The following FSTL5 variants were observed in gnomAD, a reference collection of about 807,000 sequenced individuals.
FSTL5 encodes follistatin like 5, also known as follistatin-related protein 5.
Under a neutral mutation model 89.1 loss-of-function variants are expected in FSTL5, and 62 were observed. That is an observed-to-expected ratio of 0.70 (90% CI 0.57 to 0.86). The LOEUF (loss-of-function observed/expected upper bound fraction) is 0.86. Among genes scored for constraint, FSTL5 ranks in the 40% least tolerant of loss-of-function variants. FSTL5 has a pLI of 0.00. For synonymous variants in FSTL5, 383 were observed against 346.2 expected, an observed-to-expected ratio of 1.11 and a Z score of -1.18; for missense variants, 1,057 against 1,001.6, an observed-to-expected ratio of 1.06 and a Z score of -0.75.
At chr4:162,082,892 A>G (rs1289582334) in intron 2 of FSTL5, among the ~76,000 whole-genome samples, 1 of 151,504 alleles carries the variant, frequency 6.6e-6, no homozygotes, top group Non-Finnish European at 1.5e-5. Flanking sequence ...GTGGCATCCA[A>G]ACACATTCAG....
At chr4:162,009,016 G>A (rs1736687783) in intron 3 of FSTL5, among the ~76,000 whole-genome samples, 1 of 152,018 alleles carries the variant, frequency 6.6e-6, no homozygotes, top group African/African-American at 2.4e-5. Flanking sequence ...ATCTTTGATT[G>A]ACATAAGTTC....
intron 6 of FSTL5, among the ~76,000 whole-genome samples, chr4:161,714,899 G>A (rs1202464395): frequency 6.6e-6 from 1 of 151,964 alleles, no homozygotes; most frequent in Non-Finnish European, 1.5e-5. Flanking sequence ...AAGCATTTCA[G>A]TATCAATCTT....
At chr4:161,896,477 A>C (rs1213382557) in intron 4 of FSTL5, among the ~76,000 whole-genome samples, 3 of 151,962 alleles carry the variant, frequency 2.0e-5, no homozygotes, top group African/African-American at 7.2e-5. Flanking sequence ...ATACACACAC[A>C]CCCCTACATT....
chr4:161,642,309 C>G (rs1203174319), intron 7 of FSTL5, among the ~76,000 whole-genome samples: 1 of 152,128 alleles, frequency 6.6e-6, no homozygotes, highest in African/African-American at 2.4e-5. Context: ...ATTTCCAGAA[C>G]TTATCTTGCC....
chr4:161,929,683 G>GTGTGTGTGTATA lies in FSTL5; in HGVS notation c.161-9032_161-9031insTATACACACACA, dbSNP rs1553983464. On this transcript the variant is annotated intron_variant, in intron 3 of 15. Transcript: ENST00000306100. ...CACGTGTGTGTGTGTGTGTGTGTGTGTGTGTGTGTGTGTGTGTGTACATAG... is the reference window on the plus strand; with the variant it reads ...CACGTGTGTGTGTGTGTGTGTGTGTGTGTGTGTGTATATGTGTGTGTGTGTGTGTGTACATAG... Among the ~76,000 whole-genome samples, 346 of 98,254 alleles carry GTGTGTGTGTATA rather than the reference G, an allele frequency of 3.5e-3. 1 individual carries two copies. Among genetic ancestry groups the GTGTGTGTGTATA allele is most frequent in the African/African-American group, 0.01 (299 of 29,862 alleles). 64.5% of individuals were successfully genotyped at this position (98,254 alleles called of 152,430 possible).
At chr4:161,998,803 T>A (rs557632847) in intron 3 of FSTL5, among the ~76,000 whole-genome samples, 1 of 152,106 alleles carries the variant, frequency 6.6e-6, no homozygotes, top group African/African-American at 2.4e-5. Flanking sequence ...CATAGACAGA[T>A]TTGATCATCT....
intron 6 of FSTL5, among the ~76,000 whole-genome samples, chr4:161,743,034 T>G (rs1369365236): frequency 5.3e-5 from 8 of 152,192 alleles, no homozygotes; most frequent in Admixed American, 2.6e-4. Flanking sequence ...CTGTTGATAG[T>G]GTTCTTTGAT....
chr4:161,704,563 C>T (rs1738506837), intron 6 of FSTL5, among the ~76,000 whole-genome samples: 1 of 152,094 alleles, frequency 6.6e-6, no homozygotes, highest in Non-Finnish European at 1.5e-5. Context: ...AAGGGACCAC[C>T]TTCCAAGAAA....
At chr4:161,437,565 CAAAAAAAA>C (rs56229701) in intron 15 of FSTL5, among the ~76,000 whole-genome samples, 1 of 68,542 alleles carries the variant, frequency 1.5e-5, no homozygotes, top group African/African-American at 8.3e-5. Context: ...GACTCCGTCT[CAAAAAAAA>C]AAAAAAAAAC....
intron 15 of FSTL5, among the ~76,000 whole-genome samples, chr4:161,405,877 A>C (rs2110920564): frequency 6.6e-6 from 1 of 152,338 alleles, no homozygotes; most frequent in African/African-American, 2.4e-5. Context: ...ATAGGATGAT[A>C]GTTTCAAAGT....
At chr4:161,977,467 G>A (rs988476178) in intron 3 of FSTL5, among the ~76,000 whole-genome samples, 4 of 151,146 alleles carry the variant, frequency 2.6e-5, no homozygotes, top group African/African-American at 7.3e-5. Flanking sequence ...GAAAAAATTA[G>A]CCGGGCCTGG....
intron 15 of FSTL5, among the ~76,000 whole-genome samples, chr4:161,422,129 GGGTATTGTATATAT>G (rs1457034117): frequency 2.0e-5 from 3 of 151,782 alleles, no homozygotes; most frequent in South Asian, 4.2e-4. Flanking sequence ...AATATATATA[GGGTATTGTATATAT>G]GGTATTGGTT....
chr4:162,048,098 A>C (rs1219921967), intron 2 of FSTL5, among the ~76,000 whole-genome samples: 1 of 152,056 alleles, frequency 6.6e-6, no homozygotes, highest in Non-Finnish European at 1.5e-5. Flanking sequence ...AGGCTGAAGC[A>C]GGACTATCAC....
rs558380920 is a variant in FSTL5, at chr4:161,658,661, C to T, written c.728-2167G>A. On this transcript the variant is annotated intron_variant, in intron 6 of 15. Coordinates refer to ENST00000306100, the MANE Select transcript of FSTL5 (RefSeq NM_020116.5). Reference sequence around the variant, plus strand: ...TAAGTTAAAAATTATTCAATTAATTCGAAACACTAAAAGTTGAAATCTGCA... The same window carrying T: ...TAAGTTAAAAATTATTCAATTAATTTGAAACACTAAAAGTTGAAATCTGCA... Among the ~76,000 whole-genome samples, 5 of 152,096 alleles carry T rather than the reference C, an allele frequency of 3.3e-5. 1 individual carries two copies. Among genetic ancestry groups the T allele is most frequent in the African/African-American group, 9.6e-5 (4 of 41,498 alleles).
chr4:162,147,818 C>T (rs555782638), intron 1 of FSTL5, among the ~76,000 whole-genome samples: 2 of 151,914 alleles, frequency 1.3e-5, no homozygotes, highest in East Asian at 2.0e-4. Context: ...CGAGACCAGA[C>T]GTTGGTGAAA....
chr4:161,730,571 C>T (rs1380668229), intron 6 of FSTL5, among the ~76,000 whole-genome samples: 2 of 152,004 alleles, frequency 1.3e-5, no homozygotes, highest in Non-Finnish European at 2.9e-5. Context: ...GGCCTCTACT[C>T]TTCATATGAA....
chr4:162,159,434 A>G (rs1733607931), intron 1 of FSTL5, among the ~76,000 whole-genome samples: 1 of 152,068 alleles, frequency 6.6e-6, no homozygotes, highest in Non-Finnish European at 1.5e-5. Context: ...ATAATATTCT[A>G]TGTATTGACA....
At chr4:162,093,278 C>T (rs1183028010) in intron 2 of FSTL5, among the ~76,000 whole-genome samples, 1 of 152,060 alleles carries the variant, frequency 6.6e-6, no homozygotes. Context: ...AAATGTTATA[C>T]TAATCTCTAA....
At chr4:161,504,997 A>G (rs17399436) in intron 11 of FSTL5, among the ~76,000 whole-genome samples, 29,840 of 151,990 alleles carry the variant, frequency 0.2, 3,774 homozygotes, top group Non-Finnish European at 0.28. Flanking sequence ...TTCATATTAT[A>G]GTCCATGAGA....
Sources: allele counts gnomAD v4.1 joint callset (sites outside exome capture counted in the v4.1 genomes callset), GRCh38; gene constraint gnomAD v4.1.1; transcripts MANE v1.5; gene names NCBI Gene and HGNC (gene_info 2026-07-23, HGNC 2026-07-21).